Variants in SPDYC observed in about 807,000 individuals in gnomAD.
The protein encoded by SPDYC is speedy/RINGO cell cycle regulator family member C.
In SPDYC, 25 loss-of-function variants were observed where a neutral mutation model predicts 33.9. The observed-to-expected ratio is 0.74, with a 90% CI of 0.54 to 1.03. SPDYC has a LOEUF of 1.03. Ranked by LOEUF, SPDYC falls within the 50% of genes least tolerant of loss-of-function variation. SPDYC has a pLI of 0.00. For synonymous variants in SPDYC, 133 were observed against 140.2 expected (o/e 0.95, Z 0.36); for missense variants, 349 against 382.9 (o/e 0.91, Z 0.74).
At chr11:65,171,155 C>A (rs1364964531) in intron 1 of SPDYC, among the ~76,000 whole-genome samples, 172 bp from the exon 2 acceptor site, 1 of 152,024 alleles carries the variant, frequency 6.6e-6, no homozygotes, top group Non-Finnish European at 1.5e-5. Context: ...CCTATAGCAA[C>A]TCTTTGCTTC....
In SPDYC at chr11:65,172,341, G is replaced by C; in HGVS notation, c.344+10G>C. 2 of 1,614,158 alleles carry C rather than the reference G, an allele frequency of 1.2e-6. No individual in the cohort carries two copies. The highest frequency in any genetic ancestry group is 1.7e-6 in the Non-Finnish European group (2 of 1,180,034). ...GCCTGTTCTTGGCCCTGTGAGTGGT[G>C]GGGGCAGGCAGTGGAGGCATTTGCT... is the stretch of plus-strand genomic sequence containing the variant. On this transcript the variant is annotated intron_variant, in intron 4 of 6. Transcript: ENST00000377185.
At chr11:65,171,821 A>G in intron 2 of SPDYC, 122 bp from the exon 3 acceptor site, 5 of 847,284 alleles carry the variant, frequency 5.9e-6, no homozygotes, top group Non-Finnish European at 9.6e-6. Context: ...AAAGAGAAAA[A>G]GGGAGAAAAA....
In SPDYC at chr11:65,173,164, C is replaced by T; in HGVS notation, c.848-19C>T. The T allele has an allele frequency of 6.2e-7, 1 of 1,613,798 alleles. No individual in the cohort carries two copies. The highest frequency in any genetic ancestry group is 8.5e-7 in the Non-Finnish European group (1 of 1,179,850). On this transcript the variant is annotated intron_variant, in intron 6 of 6. Transcript: ENST00000377185. ...CTTGGCAGGTTTCTTCTCTGAGCCT[C>T]ACTCTTTCCTCTCCCCAGTCTTCCC...
intron 1 of SPDYC, 36 bp downstream of exon 1, chr11:65,170,297 C>G: frequency 6.4e-7 from 1 of 1,557,724 alleles, no homozygotes; most frequent in Non-Finnish European, 8.7e-7. Flanking sequence ...GGGTTGCTTG[C>G]GGGCGCCTAG....
rs1484005487 is a variant in SPDYC at position 65,171,644 on chromosome 11, G to T, written c.199+145G>T. 6 of 1,034,836 alleles carry T rather than the reference G, an allele frequency of 5.8e-6. 1 individual carries two copies. The highest frequency in any genetic ancestry group is 5.9e-5 in the Admixed American group (2 of 33,770). 64.1% of individuals were successfully genotyped at this position (1,034,836 alleles called of 1,614,324 possible). ...TATCCCAGCTTAGGCAGGTGGGAGG[G>T]GTGTCCTCTCAGAAACTGGATTCAG... On this transcript the variant is annotated intron_variant, in intron 2 of 6. Transcript: ENST00000377185.
At chr11:65,172,101 AC>A (rs997489036) in intron 3 of SPDYC, 100 bp downstream of exon 3, 2 of 1,492,592 alleles carry the variant, frequency 1.3e-6, no homozygotes, top group Admixed American at 1.7e-5. Context: ...TTCCATCCTT[AC>A]CCCCTCATCT....
chr11:65,172,796 G>A lies in SPDYC; in HGVS notation c.629G>A (p.Gly210Asp). Residue 210 changes from glycine to aspartate, a missense_variant, in exon 6 of 7, where the codon GGC (glycine) becomes GAC (aspartate). Coordinates refer to ENST00000377185, the Ensembl canonical transcript of SPDYC. ...CCTGTTCGCCTTCCCCGGGGCCCTG[G>A]CCTCTCGCCGCCCCACTGTTCCCCC... The A allele has an allele frequency of 6.2e-7, 1 of 1,613,966 alleles. No individual in the cohort carries two copies. Among genetic ancestry groups the A allele is most frequent in the Non-Finnish European group, 8.5e-7 (1 of 1,180,000 alleles).
chr11:65,172,032 G>T, intron 3 of SPDYC, 31 bp downstream of exon 3: 1 of 1,611,870 alleles, frequency 6.2e-7, no homozygotes, highest in Non-Finnish European at 8.5e-7. Context: ...GGTCTCTTGA[G>T]GGTCAGGTTG....
intron 3 of SPDYC, 118 bp from the exon 4 acceptor site, chr11:65,172,128 C>A: frequency 6.7e-7 from 1 of 1,497,332 alleles, no homozygotes; most frequent in East Asian, 2.3e-5. Context: ...CACCACTTCC[C>A]ACCATTTTAC....
exon 6 of SPDYC, chr11:65,172,735 C>G: frequency 6.2e-7 from 1 of 1,613,180 alleles, no homozygotes; most frequent in Non-Finnish European, 8.5e-7. Context: ...CCGGCGCCCC[C>G]ACCATGGTGG....
exon 6 of SPDYC, chr11:65,172,851 C>T (rs763000971): frequency 7.6e-5 from 122 of 1,614,076 alleles, no homozygotes; most frequent in Non-Finnish European, 1.0e-4. Flanking sequence ...GCAGCAGCCA[C>T]TTGCTTAAGC....
Position 65,173,195 on chromosome 11 carries a change from C to A in SPDYC, c.860C>A (p.Pro287His), listed in dbSNP as rs760959066. The change falls in exon 7 of 7, where the codon CCT becomes CAT. Residue 287 changes from proline (P) to histidine (H), a missense_variant. Coordinates refer to ENST00000377185, the Ensembl canonical transcript of SPDYC. Reference sequence around the variant, plus strand: ...TTCCTCTCCCCAGTCTTCCCAAAGCCTCCGGCACGCCCTGGGCACTGAAGC... The same window carrying A: ...TTCCTCTCCCCAGTCTTCCCAAAGCATCCGGCACGCCCTGGGCACTGAAGC... The A allele has an allele frequency of 8.5e-5, 137 of 1,614,016 alleles. No homozygotes were observed. The East Asian group carries it at 2.7e-3, about 32-fold the overall frequency.
intron 3 of SPDYC, 41 bp from the exon 4 acceptor site, chr11:65,172,205 T>C (rs770899247): frequency 1.9e-6 from 3 of 1,611,026 alleles, no homozygotes; most frequent in Non-Finnish European, 2.5e-6. Flanking sequence ...CCCCTCCTCC[T>C]CAGAGAATAA....
rs567622560 is a variant in SPDYC at position 65,170,276 on chromosome 11, A to C, written c.26+15A>C. Reference sequence around the variant, plus strand: ...CCTGAGCTCGGGTAAGGCTCGCTGCAGGAGGAGGCTGGGTTGCTTGCGGGC... The same window carrying C: ...CCTGAGCTCGGGTAAGGCTCGCTGCCGGAGGAGGCTGGGTTGCTTGCGGGC... On this transcript the variant is annotated intron_variant, in intron 1 of 6. Coordinates refer to ENST00000377185, the Ensembl canonical transcript of SPDYC. 1 of 1,577,456 alleles carries C rather than the reference A, an allele frequency of 6.3e-7. No individual in the cohort carries two copies. Among genetic ancestry groups the C allele is most frequent in the Non-Finnish European group, 8.6e-7 (1 of 1,160,338 alleles).
At chr11:65,170,626 G>A (rs1161125668) in intron 1 of SPDYC, among the ~76,000 whole-genome samples, 1 of 151,266 alleles carries the variant, frequency 6.6e-6, no homozygotes, top group Non-Finnish European at 1.5e-5. Context: ...GCCAGGCGCA[G>A]TGGCTCACGC....
At chr11:65,173,133 T>C in intron 6 of SPDYC, 50 bp from the exon 7 acceptor site, 1 of 1,610,396 alleles carries the variant, frequency 6.2e-7, no homozygotes, top group East Asian at 2.2e-5. Context: ...GCCCCTCCCG[T>C]GTGAGCTTGG....
intron 1 of SPDYC, 50 bp from the exon 2 acceptor site, chr11:65,171,277 G>T (rs751561016): frequency 2.6e-6 from 4 of 1,554,010 alleles, no homozygotes; most frequent in Non-Finnish European, 3.5e-6. Context: ...CTCTTGATTT[G>T]TGAGCATCAC....
chr11:65,172,739 A>G, exon 6 of SPDYC: 9 of 1,613,502 alleles, frequency 5.6e-6, no homozygotes, highest in South Asian at 2.2e-5. Context: ...CGCCCCCACC[A>G]TGGTGGGGTT....
At chr11:65,173,206 C>A in exon 7 of SPDYC, 1 of 1,613,994 alleles carries the variant, frequency 6.2e-7, no homozygotes, top group East Asian at 2.2e-5. Context: ...TCCGGCACGC[C>A]CTGGGCACTG....
Sources: allele counts gnomAD v4.1 joint callset (sites outside exome capture counted in the v4.1 genomes callset), GRCh38; gene constraint gnomAD v4.1.1; transcripts MANE v1.5; gene names NCBI Gene and HGNC (gene_info 2026-07-23, HGNC 2026-07-21).